TRAPPC3: variants seen among roughly 807,000 people sequenced by gnomAD.
The protein encoded by TRAPPC3 is trafficking protein particle complex subunit 3, also known as trafficking protein particle complex 3.
TRAPPC3 carries 5 observed loss-of-function variants against 18.2 expected under a neutral mutation model. That is an observed-to-expected ratio of 0.28 (90% CI 0.14 to 0.58). The LOEUF (loss-of-function observed/expected upper bound fraction) is 0.58. Among genes scored for constraint, TRAPPC3 ranks in the 20% least tolerant of loss-of-function variants. TRAPPC3 has a pLI of 0.91. For missense variants in TRAPPC3, 176 were observed against 225.9 expected (o/e 0.78, Z 1.41); for synonymous variants, 65 against 84.2 (o/e 0.77, Z 1.25).
intron 1 of TRAPPC3, 164 bp downstream of exon 1, chr1:36,149,173 C>T (rs1349086881): frequency 6.8e-7 from 1 of 1,481,122 alleles, no homozygotes; most frequent in Non-Finnish European, 9.0e-7. Flanking sequence ...CCGACGGTCC[C>T]CTCACCTGCC....
In TRAPPC3 at chr1:36,137,155, C is replaced by T; in HGVS notation, c.*48G>A. 6.3e-7 allele frequency: 1 copy of T among 1,582,466 alleles called. No individual in the cohort carries two copies. Among genetic ancestry groups the T allele is most frequent in the Non-Finnish European group, 8.7e-7 (1 of 1,154,756 alleles). ...AGGGCAGAGGGAGCACAGAGGCCTGCTGATTCCAACAGTGCTCCTGATGGC... is the reference window on the plus strand; with the variant it reads ...AGGGCAGAGGGAGCACAGAGGCCTGTTGATTCCAACAGTGCTCCTGATGGC... On this transcript the variant is annotated 3_prime_UTR_variant, in exon 5 of 5. Transcript: ENST00000373166.
intron 1 of TRAPPC3, among the ~76,000 whole-genome samples, chr1:36,143,167 G>A (rs1470515164): frequency 3.3e-5 from 5 of 151,936 alleles, no homozygotes; most frequent in African/African-American, 7.3e-5. Flanking sequence ...ACAGCCAAAT[G>A]AAATACATGA....
intron 1 of TRAPPC3, among the ~76,000 whole-genome samples, chr1:36,144,116 C>T (rs907875086): frequency 3.3e-5 from 5 of 151,528 alleles, no homozygotes; most frequent in South Asian, 2.1e-4. Flanking sequence ...GGTGAAACCC[C>T]GTCTCTACTA....
rs534341489 is a variant in TRAPPC3, at chr1:36,139,478, T to C, written c.240+242A>G. The C allele has an allele frequency of 1.2e-5, 6 of 502,540 alleles. No homozygotes were observed. In the East Asian group the frequency reaches 2.2e-4, roughly 18 times the overall value. The allele number at this position is 502,540 out of a possible 1,614,324, so 31.1% of individuals were successfully genotyped here. A position where few individuals can be genotyped will look rare whatever the true frequency, so the allele number is the denominator to read the frequency against. On this transcript the variant is annotated intron_variant, in intron 3 of 4. Coordinates refer to ENST00000373166, the MANE Select transcript of TRAPPC3 (RefSeq NM_014408.5). ...ACCGAGTCTGTATTCTTTACCCCCA[T>C]GCTACTCTGCTACACCTTCACAGTG...
At chr1:36,138,797 G>A (rs1464219155) in intron 3 of TRAPPC3, among the ~76,000 whole-genome samples, 2 of 152,030 alleles carry the variant, frequency 1.3e-5, no homozygotes, top group Non-Finnish European at 2.9e-5. Flanking sequence ...TTGGGAGGCC[G>A]AGGTGGGCAG....
Position 36,149,332 on chromosome 1 carries a change from G to A in TRAPPC3, c.42+5C>T. On this transcript the variant is annotated splice_donor_5th_base_variant and intron_variant, in intron 1 of 4. Transcript: ENST00000373166. ...CGCCCGCCGAGGTCACGCGCTCCAA[G>A]TTACCATTTTCTTGCTCTCGGTGCC... is the stretch of plus-strand genomic sequence containing the variant. The A allele has an allele frequency of 1.2e-6, 2 of 1,613,690 alleles. No homozygotes were observed. The highest frequency in any genetic ancestry group is 2.2e-5 in the East Asian group (1 of 44,850).
At chr1:36,139,307 G>C (rs746578787) in intron 3 of TRAPPC3, 1 of 162,464 alleles carries the variant, frequency 6.2e-6, no homozygotes, top group Non-Finnish European at 1.3e-5. Context: ...ACAGGTGCCC[G>C]CCACCACGCC....
upstream of TRAPPC3, among the ~76,000 whole-genome samples, chr1:36,152,657 C>T (rs879548088): frequency 2.6e-5 from 4 of 151,502 alleles, no homozygotes. Context: ...TTTTTACTAT[C>T]TTTTCTCTCT....
Position 36,137,817 on chromosome 1 carries a change from C to T in TRAPPC3, c.402G>A (p.Val134=), listed in dbSNP as rs1200250871. The T allele has an allele frequency of 6.2e-7, 1 of 1,614,070 alleles. No homozygotes were observed. The highest frequency in any genetic ancestry group is 8.5e-7 in the Non-Finnish European group (1 of 1,179,970). The part of the protein sequence containing the change: ...SLIYSNLLCG[V]LRGALEMVQM... ...TCACCATCTCCAAAGCTCCCCGCAACACCCCACACAAGAGATTGGAATAAA... is the reference window on the plus strand; with the variant it reads ...TCACCATCTCCAAAGCTCCCCGCAATACCCCACACAAGAGATTGGAATAAA... Residue 134 remains valine (V), a synonymous_variant, in exon 4 of 5, where the codon GTG becomes GTA. Coordinates refer to ENST00000373166, the MANE Select transcript of TRAPPC3 (RefSeq NM_014408.5).
At chr1:36,145,695 G>A (rs901141460) in intron 1 of TRAPPC3, among the ~76,000 whole-genome samples, 3 of 152,192 alleles carry the variant, frequency 2.0e-5, no homozygotes, top group Non-Finnish European at 2.9e-5. Context: ...TAAGTGCACC[G>A]TTACACTGCT....
upstream of TRAPPC3, among the ~76,000 whole-genome samples, chr1:36,153,884 C>T (rs1490186717): frequency 6.6e-6 from 1 of 152,240 alleles, no homozygotes; most frequent in Non-Finnish European, 1.5e-5. Flanking sequence ...TAATCTTCAA[C>T]AGCTCCCCAT....
At chr1:36,151,171 G>A (rs1460337085), upstream of TRAPPC3, among the ~76,000 whole-genome samples, 1 of 152,106 alleles carries the variant, frequency 6.6e-6, no homozygotes, top group Non-Finnish European at 1.5e-5. Flanking sequence ...TGAACAGTGG[G>A]GGTGGGGGCC....
At position 36,139,730 on chromosome 1, in the gene TRAPPC3, A is replaced by T; in HGVS notation, c.230T>A (p.Val77Asp). Reference protein sequence around the residue: ...RCHDFRETADVIAKVAFKMYL... With the variant: ...RCHDFRETADDIAKVAFKMYL... Reference sequence around the variant, plus strand: ...GCCCAGAATAATGACCTTGGCAATGACATCCGCAGTTTCCCGAAAGTCATG... The same window carrying T: ...GCCCAGAATAATGACCTTGGCAATGTCATCCGCAGTTTCCCGAAAGTCATG... Residue 77 changes from valine to aspartate, a missense_variant, in exon 3 of 5, where the codon GTC becomes GAC. Physicochemically the swap from Val to Asp is radical, Grantham distance 152 (BLOSUM62 -3). Around this residue, in one of 2 missense-constraint regions of TRAPPC3, gnomAD observed 147 missense variants for 164.3 expected, o/e 0.89. Transcript: ENST00000373166. 1 of 1,614,150 alleles carries T rather than the reference A, an allele frequency of 6.2e-7. No homozygotes were observed. Among genetic ancestry groups the T allele is most frequent in the Non-Finnish European group, 8.5e-7 (1 of 1,180,034 alleles).
intron 1 of TRAPPC3, among the ~76,000 whole-genome samples, chr1:36,148,933 T>C (rs1355355939): frequency 6.6e-6 from 1 of 152,116 alleles, no homozygotes; most frequent in Non-Finnish European, 1.5e-5. Context: ...CAGGTGTAAA[T>C]ATGGGCAAAT....
chr1:36,155,848 C>G (rs999220234), intron 1 of TRAPPC3: 3 of 152,312 alleles, frequency 2.0e-5, no homozygotes, highest in Non-Finnish European at 2.9e-5. Flanking sequence ...CTCCCCCAGT[C>G]CCCGCGGCGG....
chr1:36,138,314 C>T (rs1026601674), intron 3 of TRAPPC3: 8 of 1,495,970 alleles, frequency 5.3e-6, no homozygotes, highest in South Asian at 2.5e-5. Flanking sequence ...TCTTTCGACA[C>T]GGTGGCTGCC....
upstream of TRAPPC3, among the ~76,000 whole-genome samples, chr1:36,151,023 AGGG>A (rs1644266937): frequency 2.0e-5 from 3 of 152,194 alleles, no homozygotes; most frequent in Admixed American, 2.0e-4. Flanking sequence ...GCTGTCAAGC[AGGG>A]CGGTTCTAGA....
At chr1:36,137,529 A>G in intron 4 of TRAPPC3, 1 of 636,590 alleles carries the variant, frequency 1.6e-6, no homozygotes, top group Non-Finnish European at 2.7e-6. Flanking sequence ...ATACCCAAGA[A>G]TGAGACTGTC....
At chr1:36,139,637 T>C (rs1184394737) in intron 3 of TRAPPC3, 83 bp downstream of exon 3, 1 of 1,555,634 alleles carries the variant, frequency 6.4e-7, no homozygotes, top group African/African-American at 1.4e-5. Context: ...ATTAAAGGCC[T>C]CTCTAAGGGA....
Sources: allele counts gnomAD v4.1 joint callset (sites outside exome capture counted in the v4.1 genomes callset), GRCh38; gene constraint gnomAD v4.1.1; regional missense constraint gnomAD v4.1.1; transcripts MANE v1.5; gene names NCBI Gene and HGNC (gene_info 2026-07-23, HGNC 2026-07-21).